PIK3CA: variants seen among roughly 807,000 people sequenced by gnomAD.
PIK3CA encodes the protein phosphatidylinositol-4,5-bisphosphate 3-kinase catalytic subunit alpha, also known as phosphatidylinositol 4,5-bisphosphate 3-kinase catalytic subunit alpha isoform.
In PIK3CA, 27 loss-of-function variants were observed where a neutral mutation model predicts 138.2. The ratio of observed to expected loss-of-function variants is 0.20; its 90% CI spans 0.14 to 0.27. PIK3CA has a LOEUF of 0.27. Ranked by LOEUF, PIK3CA falls within the 10% of genes least tolerant of loss-of-function variation. PIK3CA has a pLI of 1.00. For synonymous variants in PIK3CA, 358 were observed against 413.2 expected (o/e 0.87, Z 1.62); for missense variants, 544 against 1,277.4 (o/e 0.43, Z 8.75).
chr3:179,221,632 A>G (rs181823036), intron 14 of PIK3CA, among the ~76,000 whole-genome samples: 36 of 151,326 alleles, frequency 2.4e-4, no homozygotes, highest in African/African-American at 8.0e-4. Flanking sequence ...CTCAGTAAAT[A>G]TATCACACTC....
intron 1 of PIK3CA, among the ~76,000 whole-genome samples, chr3:179,164,267 C>T (rs1351394186): frequency 2.6e-5 from 4 of 152,128 alleles, no homozygotes; most frequent in Non-Finnish European, 5.9e-5. Context: ...TTGGTTTCAT[C>T]ATTCATCTGT....
chr3:179,152,497 T>A (rs1013850083), intron 1 of PIK3CA, among the ~76,000 whole-genome samples: 2 of 152,210 alleles, frequency 1.3e-5, no homozygotes, highest in African/African-American at 2.4e-5. Flanking sequence ...AAAACCTAGT[T>A]CTTAAACTTA....
At chr3:179,180,978 C>A (rs1383176379) in intron 1 of PIK3CA, among the ~76,000 whole-genome samples, 4 of 151,928 alleles carry the variant, frequency 2.6e-5, no homozygotes, top group Admixed American at 6.6e-5. Flanking sequence ...GTCATAAATA[C>A]CCCACTAGGA....
chr3:179,191,565 T>TA (rs1465632651), intron 1 of PIK3CA, among the ~76,000 whole-genome samples: 1 of 152,254 alleles, frequency 6.6e-6, no homozygotes, highest in Non-Finnish European at 1.5e-5. Flanking sequence ...CTTTCTTTCT[T>TA]ATTTTTAATG....
intron 17 of PIK3CA, among the ~76,000 whole-genome samples, chr3:179,227,236 AATC>A (rs1725104407): frequency 6.6e-6 from 1 of 152,064 alleles, no homozygotes; most frequent in Non-Finnish European, 1.5e-5. Flanking sequence ...ATTTAAGTAA[AATC>A]ATAACAGCAT....
chr3:179,158,049 A>G (rs973965313), intron 1 of PIK3CA, among the ~76,000 whole-genome samples: 2 of 152,078 alleles, frequency 1.3e-5, no homozygotes, highest in Non-Finnish European at 2.9e-5. Context: ...ACATTCATCC[A>G]TTTATTTGGG....
chr3:179,211,512 A>G (rs1295397042), intron 9 of PIK3CA, among the ~76,000 whole-genome samples: 3 of 152,136 alleles, frequency 2.0e-5, no homozygotes, highest in Non-Finnish European at 2.9e-5. Flanking sequence ...TCTACTAAAA[A>G]TACAAAAAGC....
At position 179,221,189 on chromosome 3, in the gene PIK3CA, T is replaced by C. The variant is rs1340707290; in HGVS notation, c.2187+32T>C. 3.2e-6 allele frequency: 5 copies of C among 1,551,446 alleles called. No individual in the cohort carries two copies. The Admixed American group carries it at 6.7e-5, about 21-fold the overall frequency. The stretch of plus-strand genomic sequence containing the variant: ...GACTCTAGTTTGTGTTTGAGACTCT[T>C]TTCACTGCAGTGGGGCAGAGTTGTT... On this transcript the variant is annotated intron_variant, in intron 14 of 20. Transcript: ENST00000263967.
chr3:179,178,116 TGTG>T (rs1723746232), intron 1 of PIK3CA, among the ~76,000 whole-genome samples: 1 of 125,154 alleles, frequency 8.0e-6, no homozygotes, highest in African/African-American at 3.7e-5. Context: ...GGTTTTTTTT[TGTG>T]TTTTTTTTTT....
chr3:179,166,257 T>TAA (rs2108358729), intron 1 of PIK3CA, among the ~76,000 whole-genome samples: 1 of 152,318 alleles, frequency 6.6e-6, no homozygotes, highest in African/African-American at 2.4e-5. Context: ...GACTTACACA[T>TAA]AAGAAATCTG....
intron 1 of PIK3CA, among the ~76,000 whole-genome samples, chr3:179,189,911 A>G (rs1391795970): frequency 6.6e-6 from 1 of 152,198 alleles, no homozygotes; most frequent in Non-Finnish European, 1.5e-5. Context: ...TTTGAAAGAA[A>G]TGGATAATAT....
chr3:179,180,950 G>A (rs929892223), intron 1 of PIK3CA, among the ~76,000 whole-genome samples: 4 of 152,078 alleles, frequency 2.6e-5, no homozygotes, highest in African/African-American at 9.7e-5. Context: ...TGTTCTCTGT[G>A]TATTAATGCA....
intron 20 of PIK3CA, among the ~76,000 whole-genome samples, chr3:179,232,376 TC>T (rs1246884146): frequency 6.6e-6 from 1 of 152,074 alleles, no homozygotes; most frequent in African/African-American, 2.4e-5. Context: ...ATGTCCTTTC[TC>T]CAATTTATGT....
chr3:179,161,639 G>A (rs1484051629), intron 1 of PIK3CA, among the ~76,000 whole-genome samples: 1 of 152,218 alleles, frequency 6.6e-6, no homozygotes, highest in African/African-American at 2.4e-5. Flanking sequence ...GGAGGTTGCG[G>A]TGAGCTGAGA....
intron 1 of PIK3CA, among the ~76,000 whole-genome samples, chr3:179,184,701 T>A (rs968927536): frequency 6.6e-6 from 1 of 152,194 alleles, no homozygotes; most frequent in Non-Finnish European, 1.5e-5. Context: ...AATCTTCTGT[T>A]TAGGCATTTT....
At position 179,224,178 on chromosome 3, in the gene PIK3CA, G is replaced by A; in HGVS notation, c.2285G>A (p.Gly762Glu). 1 of 1,529,234 alleles carries A rather than the reference G, an allele frequency of 6.5e-7. No individual in the cohort carries two copies. Among genetic ancestry groups the A allele is most frequent in the Non-Finnish European group, 9.0e-7 (1 of 1,112,796 alleles). 94.7% of individuals were successfully genotyped at this position (1,529,234 alleles called of 1,614,324 possible). The change falls in exon 15 of 21, where the codon GGA (glycine) becomes GAA (glutamate). Residue 762 changes from glycine (G) to glutamate (E), a missense_variant. Around this residue, in one of 14 missense-constraint regions of PIK3CA, gnomAD observed 35 missense variants for 49.4 expected, o/e 0.71. Coordinates refer to ENST00000263967, the MANE Select transcript of PIK3CA (RefSeq NM_006218.4). ...CCTCTAAACCCTGCTCATCAACTAG[G>A]AAACCTCAGGTACTTTCTTGGGGGT... ...LSPLNPAHQL[G>E]NLRLEECRIM...
chr3:179,177,590 G>T (rs948825109), intron 1 of PIK3CA, among the ~76,000 whole-genome samples: 3 of 152,122 alleles, frequency 2.0e-5, no homozygotes, highest in African/African-American at 7.2e-5. Context: ...TGGAATTACA[G>T]GCATGAGCCA....
At position 179,238,247 on chromosome 3, in the gene PIK3CA, C is replaced by T; in HGVS notation, c.*3883C>T. ...GCTGAACTATAAAATTCAGCATTGA[C>T]AGCATCCTCAATTAATAATTCTTGG... On this transcript the variant is annotated 3_prime_UTR_variant, in exon 21 of 21. Coordinates refer to ENST00000263967, the MANE Select transcript of PIK3CA (RefSeq NM_006218.4). 4.5e-6 allele frequency: 1 copy of T among 220,012 alleles called. No individual in the cohort carries two copies. The highest frequency in any genetic ancestry group is 2.2e-5 in the African/African-American group (1 of 44,716). 13.6% of individuals were successfully genotyped at this position (220,012 alleles called of 1,614,324 possible). A position where few individuals can be genotyped will look rare whatever the true frequency, so the allele number is the denominator to read the frequency against.
intron 1 of PIK3CA, among the ~76,000 whole-genome samples, chr3:179,182,200 G>A (rs1169090118): frequency 2.0e-5 from 3 of 152,104 alleles, no homozygotes; most frequent in Non-Finnish European, 4.4e-5. Context: ...GCAGTTGTTT[G>A]GAATAATTGA....
Sources: allele counts gnomAD v4.1 joint callset (sites outside exome capture counted in the v4.1 genomes callset), GRCh38; gene constraint gnomAD v4.1.1; regional missense constraint gnomAD v4.1.1; transcripts MANE v1.5; gene names NCBI Gene and HGNC (gene_info 2026-07-23, HGNC 2026-07-21).